HDGFL3: variants seen among roughly 807,000 people sequenced by gnomAD.
HDGFL3 encodes hepatoma-derived growth factor-related protein 3.
Under a neutral mutation model 27.6 loss-of-function variants are expected in HDGFL3, and 6 were observed. That is an observed-to-expected ratio of 0.22 (90% confidence interval 0.12 to 0.43). HDGFL3 has a LOEUF of 0.43. Ranked by LOEUF, HDGFL3 falls within the 20% of genes least tolerant of loss-of-function variation. The pLI is 1.00. For missense variants in HDGFL3, 207 were observed against 250.1 expected, an observed-to-expected ratio of 0.83 and a Z score of 1.16; for synonymous variants, 88 against 88.9, an observed-to-expected ratio of 0.99 and a Z score of 0.05.
chr15:83,189,178 T>C lies in HDGFL3; in HGVS notation c.84+18153A>G, dbSNP rs533102477. On this transcript the variant is annotated intron_variant, in intron 1 of 5. Transcript: ENST00000299633. ...AAGCCTACCAACTGGGCCCTTTGAATCTACCTTCCCCTACTCCACCCCTCC... is the reference window on the plus strand; with the variant it reads ...AAGCCTACCAACTGGGCCCTTTGAACCTACCTTCCCCTACTCCACCCCTCC... Among the ~76,000 whole-genome samples, 17 of 152,248 alleles carry C rather than the reference T, an allele frequency of 1.1e-4. No homozygotes were observed. The South Asian group carries it at 1.2e-3, about 11-fold the overall frequency.
downstream of HDGFL3, among the ~76,000 whole-genome samples, chr15:83,126,328 T>C (rs958104264): frequency 5.9e-5 from 9 of 152,200 alleles, no homozygotes; most frequent in African/African-American, 2.2e-4. Flanking sequence ...ATATACGCTA[T>C]GATGCACTGG....
chr15:83,203,706 GTAA>G (rs754222657), intron 1 of HDGFL3, among the ~76,000 whole-genome samples: 28 of 151,662 alleles, frequency 1.8e-4, no homozygotes, highest in Middle Eastern at 3.4e-3. Context: ...TAACCTATAA[GTAA>G]TAATAAGTAT....
chr15:83,135,084 T>A lies in HDGFL3; in HGVS notation c.*4186A>T, dbSNP rs946721966. 2.6e-5 allele frequency: 4 copies of A among 152,192 alleles called. No homozygotes were observed. The highest frequency in any genetic ancestry group is 4.4e-5 in the Non-Finnish European group (3 of 68,040). The allele number at this position is 152,192 out of a possible 1,614,324, so 9.4% of individuals were successfully genotyped here. Reference sequence around the variant, plus strand: ...ACAATGTAGACAATCCACGTGCTGGTCCTTGGCAATACATCATGCTAATTT... The same window carrying A: ...ACAATGTAGACAATCCACGTGCTGGACCTTGGCAATACATCATGCTAATTT... On this transcript the variant is annotated 3_prime_UTR_variant, in exon 6 of 6. Coordinates refer to ENST00000299633, the MANE Select transcript of HDGFL3 (RefSeq NM_016073.4).
chr15:83,163,596 C>T (rs1179028507), intron 2 of HDGFL3, among the ~76,000 whole-genome samples: 4 of 152,088 alleles, frequency 2.6e-5, no homozygotes, highest in African/African-American at 9.7e-5. Context: ...TCCTTGAGGG[C>T]CCAACAAGGT....
intron 1 of HDGFL3, among the ~76,000 whole-genome samples, chr15:83,206,026 C>T (rs181709512): frequency 1.8e-4 from 28 of 152,316 alleles, no homozygotes; most frequent in African/African-American, 6.5e-4. Flanking sequence ...AATGGATATG[C>T]AGACAGTTGA....
At chr15:83,167,564 A>G (rs1005118617) in intron 1 of HDGFL3, among the ~76,000 whole-genome samples, 3 of 92,132 alleles carry the variant, frequency 3.3e-5, no homozygotes, top group African/African-American at 1.3e-4. Context: ...CATCTCAAGA[A>G]AAAAAAAAAA....
chr15:83,144,321 A>G lies in HDGFL3; in HGVS notation c.607-5046T>C, dbSNP rs181920872. On this transcript the variant is annotated intron_variant, in intron 5 of 5. Transcript: ENST00000299633. ...TAGCCTTCTGATATAGTCTCCAATG[A>G]TTCCTGCCTCCGGTATCTCTACATC... Among the ~76,000 whole-genome samples the G allele has an allele frequency of 1.0e-3, 157 of 152,298 alleles. 1 individual carries two copies. The highest frequency in any genetic ancestry group is 2.4e-4 in the Non-Finnish European group (16 of 68,030).
At position 83,136,038 on chromosome 15, in the gene HDGFL3, G is replaced by GT. The variant is rs1426276560; in HGVS notation, c.*3231dup. ...TCAATAGTTTATGCTAAAAATATTT[G>GT]TTTTTTAAAACTCTGCGCTTTCTTC... On this transcript the variant is annotated 3_prime_UTR_variant, in exon 6 of 6. Transcript: ENST00000299633. 1.3e-5 allele frequency: 2 copies of GT among 153,174 alleles called. No homozygotes were observed. Among genetic ancestry groups the GT allele is most frequent in the African/African-American group, 4.8e-5 (2 of 41,454 alleles). 9.5% of individuals were successfully genotyped at this position (153,174 alleles called of 1,614,324 possible).
At chr15:83,198,847 T>C (rs2037603119) in intron 1 of HDGFL3, among the ~76,000 whole-genome samples, 1 of 152,104 alleles carries the variant, frequency 6.6e-6, no homozygotes, top group Non-Finnish European at 1.5e-5. Flanking sequence ...CCCAAACACC[T>C]CTCGCTAGAA....
At chr15:83,126,920 C>A, downstream of HDGFL3, 2 of 1,185,476 alleles carry the variant, frequency 1.7e-6, no homozygotes, top group Non-Finnish European at 1.2e-6. Context: ...CAGCTGGGTG[C>A]GGTGGCTCAC....
intron 1 of HDGFL3, among the ~76,000 whole-genome samples, chr15:83,174,540 TGTA>T (rs2037286411): frequency 6.6e-6 from 1 of 151,662 alleles, no homozygotes; most frequent in Non-Finnish European, 1.5e-5. Flanking sequence ...TAATATGAAT[TGTA>T]GTAAAAAACA....
intron 1 of HDGFL3, among the ~76,000 whole-genome samples, chr15:83,184,191 C>A (rs1052963901): frequency 6.6e-6 from 1 of 152,096 alleles, no homozygotes; most frequent in African/African-American, 2.4e-5. Context: ...AACTTTTTTA[C>A]CCTTGAATTC....
At chr15:83,124,692 G>C (rs144140472), downstream of HDGFL3, 13 of 1,613,880 alleles carry the variant, frequency 8.1e-6, no homozygotes, top group Non-Finnish European at 1.1e-5. Flanking sequence ...AAGCCCAAGC[G>C]AAAGACCTGC....
intron 1 of HDGFL3, chr15:83,185,804 T>C: frequency 6.6e-6 from 1 of 152,350 alleles, no homozygotes; most frequent in Non-Finnish European, 1.5e-5. Flanking sequence ...ATGTGCTGGA[T>C]CTAGTTACTT....
chr15:83,180,967 G>T (rs1442617407), intron 1 of HDGFL3: 3 of 151,688 alleles, frequency 2.0e-5, no homozygotes, highest in African/African-American at 7.3e-5. Context: ...ACTGTTAAAA[G>T]AACTGCAAGC....
At chr15:83,143,719 C>T (rs1432775266) in intron 5 of HDGFL3, among the ~76,000 whole-genome samples, 1 of 152,162 alleles carries the variant, frequency 6.6e-6, no homozygotes, top group Admixed American at 6.5e-5. Flanking sequence ...GGAACGCAGA[C>T]TTAATCTTGT....
intron 1 of HDGFL3, among the ~76,000 whole-genome samples, chr15:83,184,460 T>C (rs1395912041): frequency 6.6e-6 from 1 of 152,214 alleles, no homozygotes; most frequent in Admixed American, 6.5e-5. Context: ...CACCTCATTC[T>C]TAATTCTATA....
intron 1 of HDGFL3, among the ~76,000 whole-genome samples, chr15:83,168,804 C>T (rs574494960): frequency 2.3e-4 from 35 of 152,256 alleles, no homozygotes; most frequent in Admixed American, 1.1e-3. Flanking sequence ...ATACCAAAAC[C>T]TGGCAAAGAC....
At chr15:83,202,149 A>G (rs2037654833) in intron 1 of HDGFL3, among the ~76,000 whole-genome samples, 1 of 152,160 alleles carries the variant, frequency 6.6e-6, no homozygotes, top group Admixed American at 6.5e-5. Flanking sequence ...TTATATTAAT[A>G]AAGGGTATGG....
Sources: gnomAD v4.1 joint callset for allele counts (sites outside exome capture counted in the v4.1 genomes callset) on GRCh38, gnomAD v4.1.1 for gene constraint, MANE v1.5 for transcripts, NCBI Gene and HGNC (gene_info 2026-07-23, HGNC 2026-07-21) for gene names.